TNFSF13B: variants seen among roughly 807,000 people sequenced by gnomAD.
The protein encoded by TNFSF13B is tumor necrosis factor ligand superfamily member 13B.
Under a neutral mutation model 29.1 loss-of-function variants are expected in TNFSF13B, and 8 were observed. The observed-to-expected ratio is 0.27, with a 90% CI of 0.16 to 0.50. TNFSF13B has a LOEUF of 0.50. Among genes scored for constraint, TNFSF13B ranks in the 20% least tolerant of loss-of-function variants. The pLI is 0.98. For missense variants in TNFSF13B, 248 were observed against 334.9 expected (o/e 0.74, Z 2.03); for synonymous variants, 125 against 130.8 (o/e 0.96, Z 0.30).
chr13:108,306,742 T>TA (rs1881786145), intron 5 of TNFSF13B, 84 bp from the exon 6 acceptor site: 5 of 822,838 alleles, frequency 6.1e-6, no homozygotes, highest in Middle Eastern at 2.4e-4. Flanking sequence ...ATTTTTTTTT[T>TA]ACAGAACAAA....
chr13:108,285,604 C>T (rs989409000), intron 2 of TNFSF13B, among the ~76,000 whole-genome samples: 2 of 152,100 alleles, frequency 1.3e-5, no homozygotes, highest in Non-Finnish European at 1.5e-5. Context: ...TATAAATAAT[C>T]CCATTGAACC....
chr13:108,276,559 A>G (rs1880768205), intron 2 of TNFSF13B, among the ~76,000 whole-genome samples: 1 of 152,094 alleles, frequency 6.6e-6, no homozygotes, highest in African/African-American at 2.4e-5. Flanking sequence ...GAAAAATGAT[A>G]GTACATATAG....
intron 2 of TNFSF13B, among the ~76,000 whole-genome samples, chr13:108,286,067 C>T (rs1049181437): frequency 5.9e-5 from 9 of 152,188 alleles, no homozygotes; most frequent in Non-Finnish European, 8.8e-5. Context: ...ACTATATGCA[C>T]TTGCATGGAA....
intron 2 of TNFSF13B, among the ~76,000 whole-genome samples, chr13:108,276,716 A>T (rs942445926): frequency 1.3e-5 from 2 of 152,162 alleles, no homozygotes; most frequent in Non-Finnish European, 2.9e-5. Context: ...AGGTTCATTA[A>T]GCCTTTTTAT....
chr13:108,306,911 A>C lies in TNFSF13B; in HGVS notation c.831A>C (p.Thr277=), dbSNP rs754574229. 6.2e-7 allele frequency: 1 copy of C among 1,603,522 alleles called. No individual in the cohort carries two copies. Among genetic ancestry groups the C allele is most frequent in the African/African-American group, 1.4e-5 (1 of 72,932 alleles). Residue 277 remains threonine, a synonymous_variant, in exon 6 of 6, where the codon ACA becomes ACC. Transcript: ENST00000375887. ...AAATATCACTGGATGGAGATGTCAC[A>C]TTTTTTGGTGCATTGAAACTGCTGT... The part of the protein sequence containing the change: ...NAQISLDGDV[T]FFGALKLL
At chr13:108,290,460 G>T (rs1043356733) in intron 3 of TNFSF13B, among the ~76,000 whole-genome samples, 126 of 152,238 alleles carry the variant, frequency 8.3e-4, no homozygotes, top group East Asian at 3.9e-4. Flanking sequence ...ATCACTTGCA[G>T]CAAAAGAGCA....
rs1368354760 is a variant in TNFSF13B at position 108,307,130 on chromosome 13, C to T, written c.*192C>T. 8.0e-6 allele frequency: 4 copies of T among 502,156 alleles called. No homozygotes were observed. The highest frequency in any genetic ancestry group is 2.1e-5 in the African/African-American group (1 of 48,606). The allele number at this position is 502,156 out of a possible 1,614,324, so 31.1% of individuals were successfully genotyped here. ...AAACAGGAAATTTAACAGACAGCCA[C>T]AGCCAAAGAGTGTCATGTGAATTAC... On this transcript the variant is annotated 3_prime_UTR_variant, in exon 6 of 6. Coordinates refer to ENST00000375887, the MANE Select transcript of TNFSF13B (RefSeq NM_006573.5).
At position 108,307,246 on chromosome 13, in the gene TNFSF13B, T is replaced by G. The variant is rs912065990; in HGVS notation, c.*308T>G. On this transcript the variant is annotated 3_prime_UTR_variant, in exon 6 of 6. Transcript: ENST00000375887. Reference sequence around the variant, plus strand: ...ACAATTGAGTCATAGCTTCTTATCTTGGAGGAAGGACACAATTCAAAGGGG... The same window carrying G: ...ACAATTGAGTCATAGCTTCTTATCTGGGAGGAAGGACACAATTCAAAGGGG... 2 of 219,296 alleles carry G rather than the reference T, an allele frequency of 9.1e-6. No homozygotes were observed. The highest frequency in any genetic ancestry group is 1.8e-5 in the Non-Finnish European group (2 of 112,584). 13.6% of individuals were successfully genotyped at this position (219,296 alleles called of 1,614,324 possible). A position where few individuals can be genotyped will look rare whatever the true frequency, so the allele number is the denominator to read the frequency against.
At chr13:108,277,700 G>T (rs987912925) in intron 2 of TNFSF13B, among the ~76,000 whole-genome samples, 3 of 152,136 alleles carry the variant, frequency 2.0e-5, no homozygotes, top group Non-Finnish European at 2.9e-5. Context: ...CTAAACAAGG[G>T]GTGGATTATT....
chr13:108,277,248 C>G (rs1352793067), intron 2 of TNFSF13B, among the ~76,000 whole-genome samples: 1 of 152,032 alleles, frequency 6.6e-6, no homozygotes, highest in African/African-American at 2.4e-5. Context: ...TCTCAGCAAG[C>G]TAATTATTTA....
chr13:108,289,753 G>C (rs1881254150), intron 3 of TNFSF13B, among the ~76,000 whole-genome samples: 1 of 151,554 alleles, frequency 6.6e-6, no homozygotes, highest in East Asian at 1.9e-4. Context: ...CAAAGGAGCG[G>C]GGCTACGTTC....
chr13:108,303,227 C>G (rs73611024), intron 3 of TNFSF13B, 26 bp from the exon 4 acceptor site: 1 of 1,523,370 alleles, frequency 6.6e-7, no homozygotes, highest in African/African-American at 1.4e-5. Flanking sequence ...GGTTTCTTTC[C>G]TTATAAATGA....
intron 2 of TNFSF13B, among the ~76,000 whole-genome samples, chr13:108,279,074 T>C (rs75700477): frequency 0.029 from 4,106 of 144,000 alleles, 184 homozygotes; most frequent in African/African-American, 0.1. Flanking sequence ...TGGAACCCCT[T>C]TTCCCTCAAG....
At chr13:108,302,815 G>T in intron 3 of TNFSF13B, 1 of 986,218 alleles carries the variant, frequency 1.0e-6, no homozygotes, top group Non-Finnish European at 1.2e-6. Flanking sequence ...GGAATGGAGA[G>T]ATTTCTTCGT....
intron 5 of TNFSF13B, 119 bp downstream of exon 5, chr13:108,303,723 C>G (rs1309648122): frequency 9.8e-7 from 1 of 1,023,030 alleles, no homozygotes; most frequent in Non-Finnish European, 1.4e-6. Flanking sequence ...GACAGAAAGA[C>G]ATTCCTCAAT....
chr13:108,284,353 AAT>A (rs1881058467), intron 2 of TNFSF13B, among the ~76,000 whole-genome samples: 1 of 103,088 alleles, frequency 9.7e-6, no homozygotes, highest in Admixed American at 1.4e-4. Context: ...TAAATAAATA[AAT>A]GAATAAATAA....
At chr13:108,288,985 G>A in intron 3 of TNFSF13B, among the ~76,000 whole-genome samples, 1 of 152,088 alleles carries the variant, frequency 6.6e-6, no homozygotes, top group East Asian at 1.9e-4. Context: ...TGCAACACAA[G>A]TACTAAACTA....
In TNFSF13B at chr13:108,287,937, G is replaced by T. The variant is rs554865922; in HGVS notation, c.481+1078G>T. Among the ~76,000 whole-genome samples the T allele has an allele frequency of 5.9e-5, 9 of 152,170 alleles. No individual in the cohort carries two copies. In the South Asian group the frequency reaches 1.9e-3, roughly 32 times the overall value. ...ACCTAGAATGTTAATCCAGAGAAAT[G>T]GTCCTTGAAATAAGAGTTTCAGTGT... On this transcript the variant is annotated intron_variant, in intron 3 of 5. Coordinates refer to ENST00000375887, the MANE Select transcript of TNFSF13B (RefSeq NM_006573.5).
At chr13:108,290,892 T>C (rs958715566) in intron 3 of TNFSF13B, among the ~76,000 whole-genome samples, 1 of 152,064 alleles carries the variant, frequency 6.6e-6, no homozygotes, top group African/African-American at 2.4e-5. Flanking sequence ...TTTCTACCTT[T>C]AAATACTTTA....
Sources: gnomAD v4.1 joint callset for allele counts (sites outside exome capture counted in the v4.1 genomes callset) on GRCh38, gnomAD v4.1.1 for gene constraint, MANE v1.5 for transcripts, NCBI Gene and HGNC (gene_info 2026-07-23, HGNC 2026-07-21) for gene names.